The following MBD2 variants were observed in gnomAD, a reference collection of about 807,000 sequenced individuals.
The protein encoded by MBD2 is methyl-CpG-binding domain protein 2.
MBD2 carries 9 observed loss-of-function variants against 39.3 expected under a neutral mutation model. The ratio of observed to expected loss-of-function variants is 0.23; its 90% CI spans 0.14 to 0.40. MBD2 has a LOEUF of 0.40. Ranked by LOEUF, MBD2 falls within the 10% of genes least tolerant of loss-of-function variation. The pLI, the probability that MBD2 is intolerant of heterozygous loss-of-function variation, is 1.00. For synonymous variants in MBD2, 233 were observed against 211.1 expected, an observed-to-expected ratio of 1.10 and a Z score of -0.90; for missense variants, 458 against 532.6, an observed-to-expected ratio of 0.86 and a Z score of 1.38.
intron 1 of MBD2, among the ~76,000 whole-genome samples, chr18:54,219,725 T>C (rs927114948): frequency 5.3e-5 from 8 of 152,206 alleles, no homozygotes; most frequent in East Asian, 1.9e-4. Context: ...GGGAGGAGCA[T>C]GGTTGAACCT....
intron 1 of MBD2, among the ~76,000 whole-genome samples, chr18:54,220,022 C>T (rs1184121052): frequency 6.6e-6 from 1 of 152,086 alleles, no homozygotes; most frequent in Admixed American, 6.5e-5. Context: ...AGAATGGTCT[C>T]GATCTCCTGA....
intron 2 of MBD2, among the ~76,000 whole-genome samples, chr18:54,190,516 C>T (rs1189046966): frequency 6.6e-6 from 1 of 152,184 alleles, no homozygotes; most frequent in Non-Finnish European, 1.5e-5. Context: ...CGACCCTGAA[C>T]TGGAATCAGT....
rs569174112 is a variant in MBD2, at chr18:54,217,733, A to AAAAATC, written c.542+6279_542+6284dup. On this transcript the variant is annotated intron_variant, in intron 1 of 6. Transcript: ENST00000256429. ...AACTAAATTTTTAAAAGCAATGTGA[A>AAAAATC]AAAATCTACCAATTTCTGTTGGAGA... Among the ~76,000 whole-genome samples, 6 of 152,386 alleles carry AAAAATC rather than the reference A, an allele frequency of 3.9e-5. No individual in the cohort carries two copies. The South Asian group carries it at 1.2e-3, about 32-fold the overall frequency.
Position 54,195,649 on chromosome 18 carries a change from A to C in MBD2, c.703-6638T>G, listed in dbSNP as rs373804586. ...AAATGCAGCTTTCATTCAGTTGATC[A>C]TTGAACAAAACTGAGTGCCTACTAT... On this transcript the variant is annotated intron_variant, in intron 2 of 6. Transcript: ENST00000256429. Among the ~76,000 whole-genome samples, 80 of 152,268 alleles carry C rather than the reference A, an allele frequency of 5.3e-4. 2 individuals are homozygous for C. The South Asian group carries it at 8.1e-3, about 15-fold the overall frequency.
intron 3 of MBD2, among the ~76,000 whole-genome samples, chr18:54,180,897 C>A (rs796864569): frequency 9.5e-6 from 1 of 105,358 alleles, no homozygotes; most frequent in South Asian, 3.0e-4. Flanking sequence ...TTAATTTTTT[C>A]TTTTTCTTTT....
chr18:54,185,661 C>T (rs183622269), intron 3 of MBD2, among the ~76,000 whole-genome samples: 1 of 152,192 alleles, frequency 6.6e-6, no homozygotes, highest in East Asian at 1.9e-4. Context: ...ATGCATCTAG[C>T]TGAATAAGGA....
chr18:54,178,213 C>G (rs374202334), intron 3 of MBD2, among the ~76,000 whole-genome samples: 1 of 152,034 alleles, frequency 6.6e-6, no homozygotes, highest in Non-Finnish European at 1.5e-5. Context: ...TGACATTAAT[C>G]AACCACTAGA....
chr18:54,186,471 A>C (rs1432151589), intron 3 of MBD2, among the ~76,000 whole-genome samples: 1 of 152,174 alleles, frequency 6.6e-6, no homozygotes, highest in African/African-American at 2.4e-5. Context: ...TATGTATATC[A>C]AAATAGAATT....
chr18:54,220,969 T>C (rs772740457), intron 1 of MBD2, among the ~76,000 whole-genome samples: 2 of 152,182 alleles, frequency 1.3e-5, no homozygotes, highest in Non-Finnish European at 2.9e-5. Flanking sequence ...CAGCAGACAA[T>C]GCTCCTTTTG....
At chr18:54,170,402 A>G (rs1305896240) in intron 3 of MBD2, among the ~76,000 whole-genome samples, 1 of 152,212 alleles carries the variant, frequency 6.6e-6, no homozygotes, top group African/African-American at 2.4e-5. Context: ...AGGATGAGAA[A>G]GAAACAGGGA....
At chr18:54,215,175 T>G (rs2086546684) in intron 1 of MBD2, among the ~76,000 whole-genome samples, 1 of 152,190 alleles carries the variant, frequency 6.6e-6, no homozygotes, top group South Asian at 2.1e-4. Context: ...CATTGTTTAT[T>G]CTAAACCAGG....
chr18:54,209,297 C>CA (rs34165824), intron 1 of MBD2, among the ~76,000 whole-genome samples: 5,794 of 64,518 alleles, frequency 0.09, 130 homozygotes, highest in Non-Finnish European at 0.11. Context: ...ACTCCATCTC[C>CA]AAAAAAAAAA....
intron 6 of MBD2, among the ~76,000 whole-genome samples, chr18:54,158,981 C>G (rs1174777105): frequency 6.6e-6 from 1 of 152,144 alleles, no homozygotes; most frequent in Non-Finnish European, 1.5e-5. Context: ...TAGTGTCCTT[C>G]TTGTTCTCCC....
rs369028977 is a variant in MBD2, at chr18:54,207,964, G to A, written c.543-2807C>T. Among the ~76,000 whole-genome samples the A allele has an allele frequency of 2.5e-4, 38 of 152,280 alleles. 1 individual carries two copies. In the East Asian group the frequency reaches 6.6e-3, roughly 26 times the overall value. On this transcript the variant is annotated intron_variant, in intron 1 of 6. Coordinates refer to ENST00000256429, the MANE Select transcript of MBD2 (RefSeq NM_003927.5). The stretch of plus-strand genomic sequence containing the variant: ...GAGGCAGGAGAATAACATGAACCCA[G>A]GAGGCGGAGCTTGCAGTGAGCTGAG...
intron 1 of MBD2, among the ~76,000 whole-genome samples, chr18:54,215,093 C>A (rs2086545849): frequency 6.6e-6 from 1 of 152,104 alleles, no homozygotes; most frequent in African/African-American, 2.4e-5. Context: ...CAAAAGCTTA[C>A]AAAAACTTAT....
chr18:54,166,987 T>C (rs2086138087), intron 3 of MBD2, among the ~76,000 whole-genome samples: 1 of 152,222 alleles, frequency 6.6e-6, no homozygotes, highest in African/African-American at 2.4e-5. Flanking sequence ...ATTGAGCTCC[T>C]ACTAGGTGCT....
intron 5 of MBD2, among the ~76,000 whole-genome samples, chr18:54,161,557 T>C (rs139325103): frequency 2.6e-5 from 4 of 152,344 alleles, no homozygotes; most frequent in Non-Finnish European, 5.9e-5. Flanking sequence ...AGTAACCTCA[T>C]TAGGAAGAAG....
intron 3 of MBD2, among the ~76,000 whole-genome samples, chr18:54,167,691 C>T (rs1219267509): frequency 6.6e-6 from 1 of 152,162 alleles, no homozygotes; most frequent in East Asian, 1.9e-4. Context: ...ACAACGCTAG[C>T]ACCAAGGAAG....
intron 2 of MBD2, among the ~76,000 whole-genome samples, chr18:54,189,469 G>T (rs141447195): frequency 2.6e-3 from 393 of 152,136 alleles, no homozygotes; most frequent in African/African-American, 9.0e-3. Context: ...TGATCCACCC[G>T]CCTCGGCCTC....
Sources: gnomAD v4.1 joint callset for allele counts (sites outside exome capture counted in the v4.1 genomes callset) on GRCh38, gnomAD v4.1.1 for gene constraint, MANE v1.5 for transcripts, NCBI Gene and HGNC (gene_info 2026-07-23, HGNC 2026-07-21) for gene names.